The following CNBP variants were observed in gnomAD, a reference collection of about 807,000 sequenced individuals.
CNBP encodes CCHC-type zinc finger nucleic acid binding protein.
A neutral mutation model predicts 21.2 loss-of-function variants in CNBP; 6 were observed. That is an observed-to-expected ratio of 0.28 (90% CI 0.16 to 0.56). The LOEUF (loss-of-function observed/expected upper bound fraction) is 0.56, where lower values mean the gene tolerates loss of function less well. Among genes scored for constraint, CNBP ranks in the 20% least tolerant of loss-of-function variants. The probability of loss-of-function intolerance (pLI) is 0.93; values close to 1 mark genes in which losing one functional copy is unlikely to be tolerated. For synonymous variants in CNBP, 61 were observed against 74.9 expected (o/e 0.81, Z 0.96); for missense variants, 112 against 233.1 (o/e 0.48, Z 3.38).
intron 1 of CNBP, among the ~76,000 whole-genome samples, chr3:129,183,458 G>A (rs1446811769): frequency 1.3e-5 from 2 of 152,206 alleles, no homozygotes; most frequent in African/African-American, 2.4e-5. Context: ...TCAGGGCCTC[G>A]GCCCCAAGGG....
At chr3:129,175,253 G>A (rs1277860487) in intron 1 of CNBP, among the ~76,000 whole-genome samples, 1 of 151,880 alleles carries the variant, frequency 6.6e-6, no homozygotes, top group African/African-American at 2.4e-5. Context: ...GAACCCGGGA[G>A]GTGGAGGTTG....
At chr3:129,180,352 T>C (rs1938212080) in intron 1 of CNBP, among the ~76,000 whole-genome samples, 1 of 152,234 alleles carries the variant, frequency 6.6e-6, no homozygotes, top group African/African-American at 2.4e-5. Context: ...AAATATTTTC[T>C]TTAACTTCAT....
In CNBP at chr3:129,170,243, A is replaced by G. The variant is rs1306621555; in HGVS notation, c.*210T>C. 2.1e-5 allele frequency: 12 copies of G among 573,684 alleles called. No individual in the cohort carries two copies. The South Asian group carries it at 2.1e-4, about 10-fold the overall frequency. The allele number at this position is 573,684 out of a possible 1,614,324, so 35.5% of individuals were successfully genotyped here. On this transcript the variant is annotated 3_prime_UTR_variant, in exon 5 of 5. Coordinates refer to ENST00000422453, the MANE Select transcript of CNBP (RefSeq NM_003418.5). ...GGGGTTCTTTAACAAAGCATTATAC[A>G]TAACACCTCTACCAAACTAAACATA...
intron 1 of CNBP, among the ~76,000 whole-genome samples, chr3:129,175,515 C>T (rs1937844824): frequency 6.6e-6 from 1 of 150,650 alleles, no homozygotes; most frequent in African/African-American, 2.4e-5. Context: ...CTGCAACCTT[C>T]ACCTCCTGGG....
intron 1 of CNBP, among the ~76,000 whole-genome samples, chr3:129,173,284 T>C (rs1937664586): frequency 6.6e-6 from 1 of 152,186 alleles, no homozygotes; most frequent in South Asian, 2.1e-4. Context: ...GCAAAGGTTG[T>C]AATGCAAGTA....
chr3:129,179,296 A>G (rs1044905126), intron 1 of CNBP, among the ~76,000 whole-genome samples: 3 of 152,126 alleles, frequency 2.0e-5, no homozygotes, highest in Non-Finnish European at 2.9e-5. Flanking sequence ...AAAAGAAGAA[A>G]AAAAAAGCAA....
chr3:129,178,761 T>C (rs1576922753), intron 1 of CNBP, among the ~76,000 whole-genome samples: 1 of 152,154 alleles, frequency 6.6e-6, no homozygotes, highest in African/African-American at 2.4e-5. Context: ...TTTTTTTTTT[T>C]TTGAGACGGA....
rs775993316 is a variant in CNBP, at chr3:129,171,663, C to T, written c.95G>A (p.Arg32His). Reference sequence around the variant, plus strand: ...ATCCGAGGTAAAACCACCTCTGCCACGGCTTCTCATTCCACGACCACGGCC... The same window carrying T: ...ATCCGAGGTAAAACCACCTCTGCCATGGCTTCTCATTCCACGACCACGGCC... ...GGGRGRGMRS[R>H]GRGGFTSDRG... Residue 32 changes from arginine (R) to histidine (H), a missense_variant, in exon 2 of 5, where the codon CGT becomes CAT. Physicochemically the swap from Arg to His is conservative, Grantham distance 29 (BLOSUM62 0). Coordinates refer to ENST00000422453, the MANE Select transcript of CNBP (RefSeq NM_003418.5). The T allele has an allele frequency of 3.1e-6, 5 of 1,614,076 alleles. No individual in the cohort carries two copies. Among genetic ancestry groups the T allele is most frequent in the African/African-American group, 2.7e-5 (2 of 74,934 alleles).
chr3:129,182,563 T>C (rs548929088), intron 1 of CNBP, among the ~76,000 whole-genome samples: 3 of 152,324 alleles, frequency 2.0e-5, no homozygotes, highest in Middle Eastern at 3.4e-3. Flanking sequence ...TCTCACGATA[T>C]GGAAAAATCT....
rs1937533703 is a variant in CNBP, at chr3:129,169,619, A to T, written c.*834T>A. On this transcript the variant is annotated 3_prime_UTR_variant, in exon 5 of 5. Transcript: ENST00000422453. Reference sequence around the variant, plus strand: ...CTTTATTGGAATAGTTTAAAATTACATTTCTATTTTCTAGGACTTCAGTTG... The same window carrying T: ...CTTTATTGGAATAGTTTAAAATTACTTTTCTATTTTCTAGGACTTCAGTTG... 4.8e-6 allele frequency: 1 copy of T among 208,982 alleles called. No homozygotes were observed. The highest frequency in any genetic ancestry group is 9.7e-6 in the Non-Finnish European group (1 of 102,640). 12.9% of individuals were successfully genotyped at this position (208,982 alleles called of 1,614,324 possible). A position where few individuals can be genotyped will look rare whatever the true frequency, so the allele number is the denominator to read the frequency against.
chr3:129,179,602 G>C (rs1938150445), intron 1 of CNBP, among the ~76,000 whole-genome samples: 1 of 152,174 alleles, frequency 6.6e-6, no homozygotes, highest in African/African-American at 2.4e-5. Flanking sequence ...CAGGGGCAGT[G>C]GCTCATGCCT....
In CNBP at chr3:129,168,968, G is replaced by A. The variant is rs1937519210; in HGVS notation, c.*1485C>T. Among the ~76,000 whole-genome samples the A allele has an allele frequency of 6.6e-6, 1 of 151,884 alleles. No individual in the cohort carries two copies. On this transcript the variant is annotated 3_prime_UTR_variant, in exon 5 of 5. Transcript: ENST00000422453. Reference sequence around the variant, plus strand: ...AAAAAAAAAATTAGCTGGGCGCGGTGGCGGGTACCTGTAGCCCCAGCTACT... The same window carrying A: ...AAAAAAAAAATTAGCTGGGCGCGGTAGCGGGTACCTGTAGCCCCAGCTACT...
chr3:129,181,744 C>A (rs901635529), intron 1 of CNBP, among the ~76,000 whole-genome samples: 1 of 151,482 alleles, frequency 6.6e-6, no homozygotes, highest in Non-Finnish European at 1.5e-5. Flanking sequence ...TCTCCTGTTA[C>A]CAATATGAAA....
chr3:129,174,659 C>CA (rs11322688), intron 1 of CNBP, among the ~76,000 whole-genome samples: 55 of 105,116 alleles, frequency 5.2e-4, no homozygotes, highest in African/African-American at 1.9e-3. Context: ...AACTCCATCT[C>CA]AAAAAAAAAA....
rs1937515148 is a variant in CNBP, at chr3:129,168,832, C to T, written c.*1621G>A. Among the ~76,000 whole-genome samples the T allele has an allele frequency of 1.3e-5, 2 of 151,366 alleles. No individual in the cohort carries two copies. Among genetic ancestry groups the T allele is most frequent in the South Asian group, 4.2e-4 (2 of 4,792 alleles). Reference sequence around the variant, plus strand: ...AAAAAATAGGCCGGGCGCGGTGGCTCACGCCTGTGATCCCAGCACTTTGGG... The same window carrying T: ...AAAAAATAGGCCGGGCGCGGTGGCTTACGCCTGTGATCCCAGCACTTTGGG... On this transcript the variant is annotated 3_prime_UTR_variant, in exon 5 of 5. Coordinates refer to ENST00000422453, the MANE Select transcript of CNBP (RefSeq NM_003418.5).
intron 1 of CNBP, among the ~76,000 whole-genome samples, chr3:129,177,242 T>C (rs988651038): frequency 7.9e-5 from 12 of 152,228 alleles, no homozygotes; most frequent in Non-Finnish European, 1.6e-4. Flanking sequence ...TTACTGAAGG[T>C]TCCTTGGGTT....
intron 1 of CNBP, among the ~76,000 whole-genome samples, chr3:129,182,035 G>C (rs569276321): frequency 1.1e-4 from 16 of 152,076 alleles, no homozygotes; most frequent in Non-Finnish European, 2.2e-4. Flanking sequence ...ATTTAGGAGG[G>C]GGGAGGGGGA....
intron 1 of CNBP, among the ~76,000 whole-genome samples, chr3:129,180,829 C>A (rs1018090064): frequency 6.6e-6 from 1 of 151,198 alleles, no homozygotes; most frequent in Non-Finnish European, 1.5e-5. Context: ...GTGGTCAAAT[C>A]TTCAGCCAAT....
chr3:129,182,552 T>C (rs2107650959), intron 1 of CNBP, among the ~76,000 whole-genome samples: 1 of 152,278 alleles, frequency 6.6e-6, no homozygotes, highest in South Asian at 2.1e-4. Flanking sequence ...CTAAAACAGG[T>C]TCTCACGATA....
Sources: gnomAD v4.1 joint callset for allele counts (sites outside exome capture counted in the v4.1 genomes callset) on GRCh38, gnomAD v4.1.1 for gene constraint, MANE v1.5 for transcripts, NCBI Gene and HGNC (gene_info 2026-07-23, HGNC 2026-07-21) for gene names.